NCF1: variants seen among roughly 807,000 people sequenced by gnomAD.
The protein encoded by NCF1 is neutrophil cytosolic factor 1.
Under a neutral mutation model 34.9 loss-of-function variants are expected in NCF1, and 8 were observed. That is an observed-to-expected ratio of 0.23 (90% confidence interval 0.13 to 0.41). NCF1 has a LOEUF of 0.41. Among genes scored for constraint, NCF1 ranks in the 10% least tolerant of loss-of-function variants. The pLI, the probability that NCF1 is intolerant of heterozygous loss-of-function variation, is 1.00. For synonymous variants in NCF1, 57 were observed against 146.3 expected, an observed-to-expected ratio of 0.39 and a Z score of 4.41; for missense variants, 122 against 362.4, an observed-to-expected ratio of 0.34 and a Z score of 5.39.
chr7:74,779,319 T>G lies in NCF1; in HGVS notation c.292T>G (p.Cys98Gly), dbSNP rs144018361. Residue 98 changes from cysteine (C) to glycine (G), a missense_variant, in exon 4 of 11, where the codon TGC becomes GGC. Around this residue, in one of 9 missense-constraint regions of NCF1, gnomAD observed 14 missense variants for 22.4 expected, o/e 0.62. Coordinates refer to ENST00000289473, the MANE Select transcript of NCF1 (RefSeq NM_000265.7). ...CCGCCAGGGCACACTTACCGAGTAC[T>G]GCAGCACGCTCATGAGCCTGCCCAC... ...ENRQGTLTEY[C>G]STLMSLPTKI... 2,102 of 1,608,052 alleles carry G rather than the reference T, an allele frequency of 1.3e-3. 39 individuals are homozygous for G. Among genetic ancestry groups the G allele is most frequent in the Non-Finnish European group, 1.6e-3 (1,861 of 1,178,940 alleles).
Position 74,779,274 on chromosome 7 carries a change from G to A in NCF1, c.247G>A (p.Gly83Arg), listed in dbSNP as rs139225348. 0.011 allele frequency: 18,163 copies of A among 1,609,980 alleles called. 150 individuals carry two copies. Among genetic ancestry groups the A allele is most frequent in the Non-Finnish European group, 0.013 (15,637 of 1,178,912 alleles). The change falls in exon 4 of 11, where the codon GGG becomes AGG. Residue 83 changes from glycine to arginine, a missense_variant. Coordinates refer to ENST00000289473, the MANE Select transcript of NCF1 (RefSeq NM_000265.7). ...PHLPAPKWFD[G>R]QRAAENRQGT... Reference sequence around the variant, plus strand: ...GGTGCCAGCTCCCAAGTGGTTTGACGGGCAGCGGGCCGCCGAGAACCGCCA... The same window carrying A: ...GGTGCCAGCTCCCAAGTGGTTTGACAGGCAGCGGGCCGCCGAGAACCGCCA...
chr7:74,782,541 C>T (rs1796590666), intron 5 of NCF1, among the ~76,000 whole-genome samples: 1 of 137,668 alleles, frequency 7.3e-6, no homozygotes, highest in South Asian at 2.4e-4. Context: ...CCCAGGAGTT[C>T]GAGACCAGCC....
chr7:74,785,609 G>A (rs1796656894), intron 8 of NCF1: 3 of 364,450 alleles, frequency 8.2e-6, no homozygotes, highest in South Asian at 4.2e-5. Context: ...CTAGCTAGGC[G>A]CAATGGCTCA....
At chr7:74,782,341 A>G (rs1554413848) in intron 5 of NCF1, among the ~76,000 whole-genome samples, 2 of 97,922 alleles carry the variant, frequency 2.0e-5, no homozygotes, top group Admixed American at 2.4e-4. Context: ...TGGGAGGCTG[A>G]GGCAGGTGAA....
At chr7:74,782,629 G>A (rs1308445973) in intron 5 of NCF1, among the ~76,000 whole-genome samples, 2 of 151,930 alleles carry the variant, frequency 1.3e-5, no homozygotes, top group East Asian at 1.9e-4. Flanking sequence ...CCAGCTATTC[G>A]GGAGGCTGAG....
In NCF1 at chr7:74,777,420, G is replaced by C. The variant is rs1332688726; in HGVS notation, c.153+73G>C. 4 of 1,220,998 alleles carry C rather than the reference G, an allele frequency of 3.3e-6. No individual in the cohort carries two copies. In the African/African-American group the frequency reaches 6.3e-5, roughly 19 times the overall value. 75.6% of individuals were successfully genotyped at this position (1,220,998 alleles called of 1,614,324 possible). ...ACCCTTTGGGAAGGACCTTAGCCCA[G>C]GTGATGGGGAAACTGCAGAACCCAG... On this transcript the variant is annotated intron_variant, in intron 2 of 10. Coordinates refer to ENST00000289473, the MANE Select transcript of NCF1 (RefSeq NM_000265.7).
chr7:74,787,604 A>T (rs1796697508), intron 8 of NCF1, among the ~76,000 whole-genome samples: 1 of 151,474 alleles, frequency 6.6e-6, no homozygotes, highest in African/African-American at 2.4e-5. Flanking sequence ...GGAGGTAGAG[A>T]TAGGGGTCTT....
chr7:74,783,624 A>G lies in NCF1; in HGVS notation c.674A>G (p.Asn225Ser). ...SPDETEDPEP[N>S]YAGEPYVAIK... is the part of the protein sequence containing the mutation. ...GACGAGACGGAAGACCCTGAGCCCAACTATGCAGGTGCCCCCTGCCCTCCG... is the reference window on the plus strand; with the variant it reads ...GACGAGACGGAAGACCCTGAGCCCAGCTATGCAGGTGCCCCCTGCCCTCCG... The change falls in exon 7 of 11, where the codon AAC becomes AGC. Residue 225 changes from asparagine to serine, a missense_variant. Transcript: ENST00000289473. 6.2e-7 allele frequency: 1 copy of G among 1,611,294 alleles called. No homozygotes were observed. Among genetic ancestry groups the G allele is most frequent in the Non-Finnish European group, 8.5e-7 (1 of 1,179,494 alleles).
At chr7:74,787,454 G>A (rs1437690819) in intron 8 of NCF1, among the ~76,000 whole-genome samples, 4 of 152,120 alleles carry the variant, frequency 2.6e-5, no homozygotes, top group African/African-American at 4.8e-5. Flanking sequence ...GTTGGGCGGG[G>A]GAAAAGCATT....
intron 8 of NCF1, chr7:74,785,602 G>A (rs1796656621): frequency 2.7e-6 from 1 of 363,674 alleles, no homozygotes; most frequent in East Asian, 7.2e-5. Context: ...TACATTCCTA[G>A]CTAGGCGCAA....
intron 8 of NCF1, chr7:74,785,662 C>A: frequency 5.7e-6 from 2 of 350,400 alleles, no homozygotes; most frequent in Non-Finnish European, 1.1e-5. Flanking sequence ...ACAGGACGAT[C>A]ATGTGAGGTC....
intron 2 of NCF1, 124 bp downstream of exon 2, chr7:74,777,471 G>A (rs1796493444): frequency 3.6e-6 from 3 of 827,864 alleles, no homozygotes; most frequent in Non-Finnish European, 5.8e-6. Context: ...CACAGTTAAA[G>A]GGGATTTATT....
At chr7:74,785,597 TC>T (rs1344453945) in intron 8 of NCF1, 1 of 363,040 alleles carries the variant, frequency 2.8e-6, no homozygotes, top group Admixed American at 3.8e-5. Flanking sequence ...ATAATTACAT[TC>T]CTAGCTAGGC....
At chr7:74,777,502 A>ACACC (rs1365517773) in intron 2 of NCF1, 155 bp downstream of exon 2, 1 of 830,654 alleles carries the variant, frequency 1.2e-6, no homozygotes, top group African/African-American at 1.7e-5. Flanking sequence ...AATTTTTGTG[A>ACACC]CAGGGTCTTG....
At chr7:74,777,538 T>A in intron 2 of NCF1, 191 bp downstream of exon 2, 1 of 675,898 alleles carries the variant, frequency 1.5e-6, no homozygotes, top group Admixed American at 2.6e-5. Flanking sequence ...GAACACCTCA[T>A]GTTCTCTGAT....
chr7:74,782,985 C>A lies in NCF1; in HGVS notation c.498C>A (p.Asn166Lys). 2.5e-6 allele frequency: 4 copies of A among 1,611,364 alleles called. No homozygotes were observed. The Admixed American group carries it at 6.7e-5, about 27-fold the overall frequency. Residue 166 changes from asparagine to lysine, a missense_variant, in exon 6 of 11, where the codon AAC becomes AAA. Coordinates refer to ENST00000289473, the MANE Select transcript of NCF1 (RefSeq NM_000265.7). The part of the protein sequence containing the change: ...IILQTYRAIA[N>K]YEKTSGSEMA... Reference sequence around the variant, plus strand: ...TGCAGACGTACCGCGCCATTGCCAACTACGAGAAGACCTCGGGCTCCGAGA... The same window carrying A: ...TGCAGACGTACCGCGCCATTGCCAAATACGAGAAGACCTCGGGCTCCGAGA...
At chr7:74,784,053 A>ATTAT (rs1796629779) in intron 7 of NCF1, among the ~76,000 whole-genome samples, 3 of 147,976 alleles carry the variant, frequency 2.0e-5, no homozygotes, top group African/African-American at 5.0e-5. Context: ...ATTTTATTTT[A>ATTAT]TTATTTATTT....
intron 1 of NCF1, among the ~76,000 whole-genome samples, chr7:74,776,027 T>A (rs1462685829): frequency 4.2e-5 from 3 of 70,806 alleles, no homozygotes; most frequent in Admixed American, 1.6e-4. Context: ...ACTCACTGCA[T>A]CCTCCGCCTC....
At chr7:74,786,234 CAAAAAA>C (rs60312903) in intron 8 of NCF1, among the ~76,000 whole-genome samples, 5 of 36,902 alleles carry the variant, frequency 1.4e-4, no homozygotes, top group African/African-American at 4.4e-4. Flanking sequence ...GACCCTGTCT[CAAAAAA>C]AAAAAAAAAA....
Sources: gnomAD v4.1 joint callset for allele counts (sites outside exome capture counted in the v4.1 genomes callset) on GRCh38, gnomAD v4.1.1 for gene constraint, gnomAD v4.1.1 regional missense constraint, MANE v1.5 for transcripts, NCBI Gene and HGNC (gene_info 2026-07-23, HGNC 2026-07-21) for gene names.